FGF12: variants seen among roughly 807,000 people sequenced by gnomAD.
FGF12 encodes the protein fibroblast growth factor 12, also known as fibroblast growth factor 12B.
FGF12 carries 14 observed loss-of-function variants against 23.6 expected under a neutral mutation model. The observed-to-expected ratio is 0.59, with a 90% CI of 0.39 to 0.93. The LOEUF is 0.93. FGF12 is among the 40% of genes least tolerant of loss of function. FGF12 has a pLI of 0.00. For missense variants in FGF12, 175 were observed against 217.8 expected (o/e 0.80, Z 1.24); for synonymous variants, 62 against 77.3 (o/e 0.80, Z 1.04).
intron 4 of FGF12, among the ~76,000 whole-genome samples, chr3:192,198,842 C>T (rs1254943267): frequency 6.6e-6 from 1 of 152,196 alleles, no homozygotes; most frequent in Non-Finnish European, 1.5e-5. Context: ...GTTTACTCAG[C>T]TTCTCTGGAC....
intron 2 of FGF12, among the ~76,000 whole-genome samples, chr3:192,393,764 C>T (rs1333628594): frequency 1.3e-5 from 2 of 152,092 alleles, no homozygotes; most frequent in South Asian, 2.1e-4. Flanking sequence ...AAGTCTTCTA[C>T]TATTATCACT....
intron 2 of FGF12, 196 bp downstream of exon 2, chr3:192,726,985 T>C: frequency 1.5e-6 from 1 of 668,110 alleles, no homozygotes; most frequent in East Asian, 2.7e-5. Context: ...TATTAAACAC[T>C]GTCTTCCAAG....
chr3:192,390,626 A>G (rs186328113), intron 2 of FGF12, among the ~76,000 whole-genome samples: 2 of 151,210 alleles, frequency 1.3e-5, no homozygotes, highest in Admixed American at 1.3e-4. Flanking sequence ...TAGCTATGTG[A>G]TGACCATGAC....
chr3:192,167,769 AAAATTTTTTTT>A lies in FGF12; in HGVS notation c.427+2678_427+2688del, dbSNP rs1302872156. ...TATATATATATATATATATATATAT[AAAATTTTTTTT>A]TTTTTTTTTTTTTGAGAAAGAATCT... On this transcript the variant is annotated intron_variant, in intron 5 of 5. Transcript: ENST00000445105. 7.2e-3 allele frequency among the ~76,000 whole-genome samples: 279 copies of A among 38,852 alleles called. 21 individuals are homozygous for A. The highest frequency in any genetic ancestry group is 9.1e-3 in the Non-Finnish European group (228 of 24,998). The allele number at this position is 38,852 out of a possible 152,430, so 25.5% of individuals were successfully genotyped here. A position where few individuals can be genotyped will look rare whatever the true frequency, so the allele number is the denominator to read the frequency against.
At chr3:192,644,595 A>G (rs2076383661) in intron 2 of FGF12, among the ~76,000 whole-genome samples, 1 of 152,190 alleles carries the variant, frequency 6.6e-6, no homozygotes, top group Admixed American at 6.5e-5. Context: ...AATAATATGA[A>G]TAAGAATTAT....
intron 3 of FGF12, among the ~76,000 whole-genome samples, chr3:192,337,605 A>G (rs1429486817): frequency 1.3e-5 from 2 of 152,112 alleles, no homozygotes; most frequent in Non-Finnish European, 2.9e-5. Context: ...TAGTTTCTAA[A>G]CCCTCCACTC....
At chr3:192,253,717 C>T (rs769415001) in intron 4 of FGF12, among the ~76,000 whole-genome samples, 1 of 151,950 alleles carries the variant, frequency 6.6e-6, no homozygotes, top group African/African-American at 2.4e-5. Context: ...GGATGTTTTC[C>T]TGAGACTCTC....
At chr3:192,260,375 T>A (rs939140603) in intron 4 of FGF12, among the ~76,000 whole-genome samples, 1 of 152,196 alleles carries the variant, frequency 6.6e-6, no homozygotes. Flanking sequence ...CTGTGCCAAC[T>A]AATAGTGTTT....
intron 4 of FGF12, among the ~76,000 whole-genome samples, chr3:192,296,062 CTTTTTTTTTTTT>C (rs34021285): frequency 1.3e-5 from 1 of 78,092 alleles, no homozygotes; most frequent in African/African-American, 4.9e-5. Flanking sequence ...GTTTTTCTTT[CTTTTTTTTTTTT>C]TTTTTTTTTT....
intron 2 of FGF12, among the ~76,000 whole-genome samples, chr3:192,432,620 C>CA (rs201364119): frequency 0.071 from 7,580 of 106,210 alleles, 275 homozygotes; most frequent in African/African-American, 0.085. Context: ...TGACATCTGG[C>CA]AAAAAAAAAA....
chr3:192,684,096 G>C (rs1717643565), intron 2 of FGF12, among the ~76,000 whole-genome samples: 1 of 152,042 alleles, frequency 6.6e-6, no homozygotes, highest in African/African-American at 2.4e-5. Context: ...CAACATCTTA[G>C]AATCCTCTCC....
intron 4 of FGF12, among the ~76,000 whole-genome samples, chr3:192,285,817 T>C (rs115450120): frequency 6.6e-6 from 1 of 152,166 alleles, no homozygotes; most frequent in Non-Finnish European, 1.5e-5. Flanking sequence ...TTCAAGGTTA[T>C]CTTGTTTTTG....
At chr3:192,348,606 G>T (rs1718070422) in intron 3 of FGF12, among the ~76,000 whole-genome samples, 1 of 152,106 alleles carries the variant, frequency 6.6e-6, no homozygotes, top group Non-Finnish European at 1.5e-5. Context: ...AATGCCTTTT[G>T]AAAGTGTTGT....
chr3:192,284,959 T>C (rs933673973), intron 4 of FGF12, among the ~76,000 whole-genome samples: 1 of 152,142 alleles, frequency 6.6e-6, no homozygotes, highest in Non-Finnish European at 1.5e-5. Flanking sequence ...AACAAGCTGA[T>C]TGGACTGCCC....
intron 5 of FGF12, among the ~76,000 whole-genome samples, chr3:192,156,803 C>CATG (rs531209984): frequency 2.4e-4 from 36 of 152,322 alleles, no homozygotes; most frequent in African/African-American, 8.2e-4. Context: ...AAAATACGAT[C>CATG]ATGTTTTGAA....
At chr3:192,607,294 G>A (rs544541456) in intron 2 of FGF12, among the ~76,000 whole-genome samples, 1 of 152,206 alleles carries the variant, frequency 6.6e-6, no homozygotes, top group African/African-American at 2.4e-5. Context: ...TCAGAAAGCC[G>A]TTCTGCTGAG....
At chr3:192,303,296 A>G (rs1376452275) in intron 4 of FGF12, among the ~76,000 whole-genome samples, 1 of 152,218 alleles carries the variant, frequency 6.6e-6, no homozygotes, top group Admixed American at 6.5e-5. Flanking sequence ...TTAGTAGACA[A>G]AAACATCGAC....
At chr3:192,587,357 C>T (rs932235368) in intron 2 of FGF12, among the ~76,000 whole-genome samples, 1 of 151,890 alleles carries the variant, frequency 6.6e-6, no homozygotes, top group African/African-American at 2.4e-5. Flanking sequence ...TATTGCTGGG[C>T]TGTGGAGCGG....
chr3:192,257,670 T>A (rs1036556782), intron 4 of FGF12, among the ~76,000 whole-genome samples: 1 of 152,140 alleles, frequency 6.6e-6, no homozygotes, highest in African/African-American at 2.4e-5. Context: ...TTCTAGTTAT[T>A]TGACTAGGGA....
Sources: allele counts gnomAD v4.1 joint callset (sites outside exome capture counted in the v4.1 genomes callset), GRCh38; gene constraint gnomAD v4.1.1; transcripts MANE v1.5; gene names NCBI Gene and HGNC (gene_info 2026-07-23, HGNC 2026-07-21).